LPP: variants seen among roughly 807,000 people sequenced by gnomAD.
The protein encoded by LPP is lipoma-preferred partner.
Under a neutral mutation model 60.4 loss-of-function variants are expected in LPP, and 38 were observed. That is an observed-to-expected ratio of 0.63 (90% CI 0.49 to 0.83). The LOEUF (loss-of-function observed/expected upper bound fraction) is 0.83. LPP is among the 40% of genes least tolerant of loss of function. The pLI, the probability that LPP is intolerant of heterozygous loss-of-function variation, is 0.00. For synonymous variants in LPP, 328 were observed against 290.8 expected (o/e 1.13, Z -1.30); for missense variants, 902 against 783.6 (o/e 1.15, Z -1.80).
chr3:188,690,676 T>C (rs1861927380), intron 7 of LPP, among the ~76,000 whole-genome samples: 1 of 152,152 alleles, frequency 6.6e-6, no homozygotes, highest in Non-Finnish European at 1.5e-5. Flanking sequence ...AAGGAGAGAA[T>C]AGTCAAAGTG....
intron 1 of LPP, among the ~76,000 whole-genome samples, chr3:188,166,755 C>T (rs149717115): frequency 3.3e-5 from 5 of 152,322 alleles, no homozygotes; most frequent in African/African-American, 1.2e-4. Context: ...TTCATATCCA[C>T]AGCATCTGCT....
intron 4 of LPP, among the ~76,000 whole-genome samples, chr3:188,450,394 A>C (rs1198381370): frequency 6.6e-6 from 1 of 152,180 alleles, no homozygotes; most frequent in Non-Finnish European, 1.5e-5. Context: ...ATTGCTCATC[A>C]GTTTAAATAA....
chr3:188,775,088 T>A (rs1737317517), intron 9 of LPP, among the ~76,000 whole-genome samples: 1 of 148,198 alleles, frequency 6.7e-6, no homozygotes, highest in South Asian at 2.1e-4. Flanking sequence ...AGTCTCACTC[T>A]GTTGCCCAGG....
At chr3:188,498,083 T>C (rs1810755245) in intron 5 of LPP, among the ~76,000 whole-genome samples, 2 of 152,186 alleles carry the variant, frequency 1.3e-5, no homozygotes, top group African/African-American at 2.4e-5. Flanking sequence ...CAACAATTGT[T>C]CTTTTTCTGA....
At chr3:188,766,338 A>T (rs1734110740) in intron 9 of LPP, among the ~76,000 whole-genome samples, 1 of 131,786 alleles carries the variant, frequency 7.6e-6, no homozygotes. Context: ...GAAAAACCAT[A>T]AGCCCTTGTA....
At chr3:188,517,230 C>A (rs536066291) in intron 5 of LPP, among the ~76,000 whole-genome samples, 48 of 152,288 alleles carry the variant, frequency 3.2e-4, no homozygotes, top group African/African-American at 1.0e-3. Flanking sequence ...ACAGGTATTA[C>A]AGCCTGACTC....
At chr3:188,655,224 A>G (rs1324144217) in intron 7 of LPP, among the ~76,000 whole-genome samples, 1 of 152,182 alleles carries the variant, frequency 6.6e-6, no homozygotes, top group Non-Finnish European at 1.5e-5. Context: ...TGCATGTAAA[A>G]TAGGCCCCTG....
chr3:188,514,582 C>T (rs551973214), intron 5 of LPP, among the ~76,000 whole-genome samples: 37 of 152,136 alleles, frequency 2.4e-4, no homozygotes, highest in South Asian at 1.0e-3. Context: ...GCTGGGATTA[C>T]GGTTACCCAC....
chr3:188,570,816 T>A (rs1265813213), intron 6 of LPP, among the ~76,000 whole-genome samples: 1 of 151,920 alleles, frequency 6.6e-6, no homozygotes, highest in Non-Finnish European at 1.5e-5. Context: ...CCGCTAGAGA[T>A]AATTATACAG....
intron 7 of LPP, among the ~76,000 whole-genome samples, chr3:188,651,204 G>T (rs1852006134): frequency 6.6e-6 from 1 of 152,160 alleles, no homozygotes; most frequent in Non-Finnish European, 1.5e-5. Flanking sequence ...CATATGCTGG[G>T]ATATTCAGAC....
intron 7 of LPP, among the ~76,000 whole-genome samples, chr3:188,613,966 C>T (rs1443370136): frequency 6.6e-6 from 1 of 151,362 alleles, no homozygotes; most frequent in Non-Finnish European, 1.5e-5. Flanking sequence ...CCCATTCTGT[C>T]ACCCAGGCTG....
At chr3:188,375,577 G>A (rs879773175) in intron 3 of LPP, among the ~76,000 whole-genome samples, 32 of 151,846 alleles carry the variant, frequency 2.1e-4, no homozygotes, top group South Asian at 6.2e-4. Flanking sequence ...TTTTTATTGC[G>A]TCTATTTGAT....
At position 188,766,015 on chromosome 3, in the gene LPP, C is replaced by T. The variant is rs576397812; in HGVS notation, c.1410+5733C>T. Among the ~76,000 whole-genome samples the T allele has an allele frequency of 5.3e-5, 8 of 151,626 alleles. No homozygotes were observed. The South Asian group carries it at 6.3e-4, about 12-fold the overall frequency. On this transcript the variant is annotated intron_variant, in intron 9 of 11. Transcript: ENST00000617246. ...CCTCCTGAGTAGCTGGGATTACAGG[C>T]GCCCACCACCACGCCCGGCTAATTT...
intron 6 of LPP, among the ~76,000 whole-genome samples, chr3:188,527,262 A>AT (rs1454724714): frequency 2.0e-5 from 3 of 150,454 alleles, no homozygotes; most frequent in Non-Finnish European, 4.4e-5. Context: ...AGGCAGGAGA[A>AT]TCGTTTGAAC....
At chr3:188,628,743 A>G (rs1580515712) in intron 7 of LPP, among the ~76,000 whole-genome samples, 1 of 152,120 alleles carries the variant, frequency 6.6e-6, no homozygotes, top group Admixed American at 6.5e-5. Context: ...TCCTCCCTCA[A>G]TCATTCTATA....
chr3:188,290,258 G>A (rs775610817), intron 2 of LPP, among the ~76,000 whole-genome samples: 24 of 152,084 alleles, frequency 1.6e-4, no homozygotes, highest in Non-Finnish European at 3.2e-4. Flanking sequence ...TTACAGACGT[G>A]AGCCACCATG....
chr3:188,312,653 T>C (rs935194130), intron 2 of LPP, among the ~76,000 whole-genome samples: 7 of 152,322 alleles, frequency 4.6e-5, no homozygotes, highest in African/African-American at 1.7e-4. Flanking sequence ...AGGATTTATT[T>C]TGATATTTTT....
At chr3:188,828,363 G>C (rs1756151028) in intron 9 of LPP, among the ~76,000 whole-genome samples, 2 of 151,632 alleles carry the variant, frequency 1.3e-5, no homozygotes, top group Non-Finnish European at 2.9e-5. Flanking sequence ...CCAGCACTTT[G>C]GGAGGCCGAG....
chr3:188,159,200 C>T (rs976161220), intron 1 of LPP, among the ~76,000 whole-genome samples: 3 of 152,182 alleles, frequency 2.0e-5, no homozygotes, highest in South Asian at 2.1e-4. Flanking sequence ...GCTCCGGTAA[C>T]GGTGCTATAT....
Sources: gnomAD v4.1 joint callset for allele counts (sites outside exome capture counted in the v4.1 genomes callset) on GRCh38, gnomAD v4.1.1 for gene constraint, MANE v1.5 for transcripts, NCBI Gene and HGNC (gene_info 2026-07-23, HGNC 2026-07-21) for gene names.